The following DOCK9 variants were observed in gnomAD, a reference collection of about 807,000 sequenced individuals.
DOCK9 encodes dedicator of cytokinesis 9.
DOCK9 carries 89 observed loss-of-function variants against 263.3 expected under a neutral mutation model. The observed-to-expected ratio is 0.34, with a 90% CI of 0.28 to 0.40. DOCK9 has a LOEUF of 0.40. Ranked by LOEUF, DOCK9 falls within the 10% of genes least tolerant of loss-of-function variation. The pLI is 1.00. For missense variants in DOCK9, 2,140 were observed against 2,603.4 expected, an observed-to-expected ratio of 0.82 and a Z score of 3.87; for synonymous variants, 976 against 973.1, an observed-to-expected ratio of 1.00 and a Z score of -0.06.
chr13:98,946,084 C>T (rs1158427435), intron 2 of DOCK9, among the ~76,000 whole-genome samples: 3 of 152,230 alleles, frequency 2.0e-5, no homozygotes, highest in African/African-American at 7.2e-5. Flanking sequence ...AGACAGACAG[C>T]GGATGGTGAG....
Position 98,975,369 on chromosome 13 carries a change from A to T in DOCK9, c.126+2415T>A, listed in dbSNP as rs2060152558. On this transcript the variant is annotated intron_variant, in intron 1 of 52. Transcript: ENST00000682017. ...AGAGTAAGACTTTGTCTCAAAAAAA[A>T]AAAAAGGCATAAATCCACATATGGT... Among the ~76,000 whole-genome samples, 3 of 151,990 alleles carry T rather than the reference A, an allele frequency of 2.0e-5. No individual in the cohort carries two copies. The South Asian group carries it at 6.2e-4, about 31-fold the overall frequency.
chr13:98,874,387 A>G (rs2094272729), intron 27 of DOCK9, among the ~76,000 whole-genome samples: 1 of 152,210 alleles, frequency 6.6e-6, no homozygotes, highest in Non-Finnish European at 1.5e-5. Context: ...GTATCCATTT[A>G]CCAGCTGATG....
rs1595629719 is a variant in DOCK9 at position 98,956,323 on chromosome 13, C to T, written c.127-772G>A. 4.6e-5 allele frequency among the ~76,000 whole-genome samples: 7 copies of T among 152,326 alleles called. No homozygotes were observed. The South Asian group carries it at 1.5e-3, about 32-fold the overall frequency. ...CTTTATCTATCGCCAGTCACTGCCA[C>T]CTTGTTTATGGCTCGCTTTCCACAT... On this transcript the variant is annotated intron_variant, in intron 1 of 52. Coordinates refer to ENST00000682017, the MANE Select transcript of DOCK9 (RefSeq NM_001366683.2).
rs36080691 is a variant in DOCK9, at chr13:98,814,406, C to CTTT, written c.5131-4118_5131-4116dup. Among the ~76,000 whole-genome samples the CTTT allele has an allele frequency of 1.6e-3, 228 of 139,130 alleles. 3 individuals are homozygous for CTTT. The highest frequency in any genetic ancestry group is 4.4e-3 in the African/African-American group (167 of 38,028). The allele number at this position is 139,130 out of a possible 152,430, so 91.3% of individuals were successfully genotyped here. On this transcript the variant is annotated intron_variant, in intron 45 of 52. Coordinates refer to ENST00000682017, the MANE Select transcript of DOCK9 (RefSeq NM_001366683.2). Reference sequence around the variant, plus strand: ...GTATCTGTATTATAAAGAAGTACGTCTTTTTTTTTTTTTTTTGAGACAAGA... The same window carrying CTTT: ...GTATCTGTATTATAAAGAAGTACGTCTTTTTTTTTTTTTTTTTTTGAGACAAGA...
chr13:98,934,326 A>G (rs2054467063), intron 2 of DOCK9, among the ~76,000 whole-genome samples: 1 of 152,162 alleles, frequency 6.6e-6, no homozygotes, highest in Non-Finnish European at 1.5e-5. Flanking sequence ...AGCCATAAAG[A>G]GGATATATAC....
intron 27 of DOCK9, among the ~76,000 whole-genome samples, chr13:98,879,413 C>T (rs943111340): frequency 1.1e-4 from 16 of 152,192 alleles, no homozygotes; most frequent in African/African-American, 2.9e-4. Flanking sequence ...TTTTGGAGAA[C>T]ATGAGATTGG....
Position 98,915,494 on chromosome 13 carries a change from C to T in DOCK9, c.727G>A (p.Val243Ile). 6.2e-7 allele frequency: 1 copy of T among 1,610,742 alleles called. No individual in the cohort carries two copies. The highest frequency in any genetic ancestry group is 1.1e-5 in the South Asian group (1 of 90,334). ...TTGAGCTCAAAAGCAAAACGCCTGA[C>T]TTTGTTGTTCTGAAATGAAAAAAGG... is the stretch of plus-strand genomic sequence containing the variant. ...SCMGVVQNNK[V>I]RRFAFELKMQ... Residue 243 changes from valine (V) to isoleucine (I), a missense_variant, in exon 8 of 53, where the codon GTC (valine) becomes ATC (isoleucine). Physicochemically the swap from Val to Ile is conservative, Grantham distance 29 (BLOSUM62 3). This residue lies in a region of DOCK9 where 1,521 missense variants were observed against 1,741.7 expected (regional missense o/e 0.87). Coordinates refer to ENST00000682017, the MANE Select transcript of DOCK9 (RefSeq NM_001366683.2).
intron 1 of DOCK9, among the ~76,000 whole-genome samples, chr13:99,044,322 T>C (rs936441331): frequency 1.3e-5 from 2 of 152,232 alleles, no homozygotes; most frequent in African/African-American, 4.8e-5. Flanking sequence ...GTGGGTCTTA[T>C]TCATGTTTGT....
intron 51 of DOCK9, 40 bp downstream of exon 51, chr13:98,797,349 C>A: frequency 1.2e-6 from 2 of 1,609,140 alleles, no homozygotes; most frequent in South Asian, 1.1e-5. Context: ...CAGAAATGAT[C>A]AATACTCGAA....
intron 1 of DOCK9, among the ~76,000 whole-genome samples, chr13:99,012,345 A>G (rs532347925): frequency 6.6e-6 from 1 of 152,216 alleles, no homozygotes; most frequent in East Asian, 1.9e-4. Flanking sequence ...ACAGATGGAT[A>G]GATATTTGGG....
At chr13:99,046,031 G>A (rs1487019385) in intron 1 of DOCK9, among the ~76,000 whole-genome samples, 7 of 151,696 alleles carry the variant, frequency 4.6e-5, no homozygotes, top group Non-Finnish European at 1.0e-4. Flanking sequence ...AACCCGGGAG[G>A]CGGAGCTTAC....
chr13:98,843,567 G>A (rs923288023), intron 38 of DOCK9, among the ~76,000 whole-genome samples: 6 of 152,168 alleles, frequency 3.9e-5, no homozygotes, highest in African/African-American at 1.4e-4. Flanking sequence ...GAACCAATTC[G>A]GAATGAGCAG....
At chr13:98,840,791 T>G (rs1374051861) in intron 38 of DOCK9, among the ~76,000 whole-genome samples, 1 of 152,170 alleles carries the variant, frequency 6.6e-6, no homozygotes, top group African/African-American at 2.4e-5. Flanking sequence ...CCTTCACTCT[T>G]TATGCAACCA....
chr13:98,867,970 C>G lies in DOCK9; in HGVS notation c.3132G>C (p.Gln1044His). 6.2e-7 allele frequency: 1 copy of G among 1,613,728 alleles called. No homozygotes were observed. Among genetic ancestry groups the G allele is most frequent in the Admixed American group, 1.7e-5 (1 of 60,008 alleles). Residue 1044 changes from glutamine (Q) to histidine (H), a missense_variant, in exon 29 of 53, where the codon CAG becomes CAC. Physicochemically the swap from Gln to His is conservative, Grantham distance 24. Around this residue, in one of 2 missense-constraint regions of DOCK9, gnomAD observed 1,521 missense variants for 1,741.7 expected, o/e 0.87. Coordinates refer to ENST00000682017, the MANE Select transcript of DOCK9 (RefSeq NM_001366683.2). ...CAAAACAGCTAATGTAGTTGTTGAT[C>G]TGCTTGAAGACAAAGCCCCTGTCCA... ...TFMDRGFVFK[Q>H]INNYISCFAP... is the part of the protein sequence containing the mutation.
At chr13:98,987,580 C>T (rs149278428) in intron 1 of DOCK9, among the ~76,000 whole-genome samples, 108 of 152,340 alleles carry the variant, frequency 7.1e-4, no homozygotes, top group African/African-American at 2.3e-3. Flanking sequence ...TCCATTTAGG[C>T]TTTGCCAAGA....
chr13:98,984,333 G>T (rs899551397), intron 1 of DOCK9, among the ~76,000 whole-genome samples: 1 of 152,176 alleles, frequency 6.6e-6, no homozygotes, highest in Non-Finnish European at 1.5e-5. Flanking sequence ...GTCAACATGT[G>T]CACAGTCTAC....
At chr13:98,843,374 C>T (rs1039439793) in intron 38 of DOCK9, among the ~76,000 whole-genome samples, 4 of 152,138 alleles carry the variant, frequency 2.6e-5, no homozygotes, top group African/African-American at 9.7e-5. Context: ...ATAAAACACA[C>T]ACACAAACAT....
intron 1 of DOCK9, among the ~76,000 whole-genome samples, chr13:99,016,580 CCTT>C (rs1192390020): frequency 6.6e-6 from 1 of 152,186 alleles, no homozygotes; most frequent in Non-Finnish European, 1.5e-5. Context: ...TAATCCAACT[CCTT>C]CTACTGTAGA....
intron 1 of DOCK9, among the ~76,000 whole-genome samples, chr13:99,028,579 A>G (rs1450646961): frequency 6.6e-6 from 1 of 152,180 alleles, no homozygotes; most frequent in African/African-American, 2.4e-5. Context: ...AACGAGAACA[A>G]ATTTCTTCTC....
Sources: gnomAD v4.1 joint callset for allele counts (sites outside exome capture counted in the v4.1 genomes callset) on GRCh38, gnomAD v4.1.1 for gene constraint, gnomAD v4.1.1 regional missense constraint, MANE v1.5 for transcripts, NCBI Gene and HGNC (gene_info 2026-07-23, HGNC 2026-07-21) for gene names.